SPHKAP: variants seen among roughly 807,000 people sequenced by gnomAD.
SPHKAP encodes A-kinase anchor protein SPHKAP.
Under a neutral mutation model 137.5 loss-of-function variants are expected in SPHKAP, and 67 were observed. The ratio of observed to expected loss-of-function variants is 0.49; its 90% CI spans 0.40 to 0.60. The LOEUF is 0.60. SPHKAP is among the 20% of genes least tolerant of loss of function. The probability of loss-of-function intolerance (pLI) is 0.00; values close to 1 mark genes in which losing one functional copy is unlikely to be tolerated. For missense variants in SPHKAP, 2,097 were observed against 2,069.3 expected (o/e 1.01, Z -0.26); for synonymous variants, 813 against 785.3 (o/e 1.04, Z -0.59).
intron 3 of SPHKAP, among the ~76,000 whole-genome samples, chr2:228,036,838 A>G (rs1695632117): frequency 6.6e-6 from 1 of 151,916 alleles, no homozygotes; most frequent in East Asian, 1.9e-4. Flanking sequence ...AACCATGAGA[A>G]CACATGGGCA....
At chr2:228,048,048 T>C (rs1696126655) in intron 3 of SPHKAP, among the ~76,000 whole-genome samples, 1 of 152,150 alleles carries the variant, frequency 6.6e-6, no homozygotes, top group African/African-American at 2.4e-5. Context: ...ACAGAAGATT[T>C]ACTTCTAAAG....
At chr2:228,042,307 T>C (rs2106260113) in intron 3 of SPHKAP, among the ~76,000 whole-genome samples, 1 of 152,274 alleles carries the variant, frequency 6.6e-6, no homozygotes, top group Non-Finnish European at 1.5e-5. Flanking sequence ...AAATCTCGGG[T>C]TGGGGCCTGA....
At chr2:228,040,075 T>C (rs1695780717) in intron 3 of SPHKAP, among the ~76,000 whole-genome samples, 2 of 152,144 alleles carry the variant, frequency 1.3e-5, no homozygotes, top group South Asian at 4.1e-4. Flanking sequence ...CTAAGAAAAC[T>C]TTTTCAGAAA....
In SPHKAP at chr2:228,071,949, C is replaced by A. The variant is rs1574823306; in HGVS notation, c.246+36883G>T. Among the ~76,000 whole-genome samples the A allele has an allele frequency of 2.0e-5, 3 of 152,204 alleles. No individual in the cohort carries two copies. The South Asian group carries it at 6.2e-4, about 32-fold the overall frequency. ...TTCTGGATGACTGCCTTCTACGGAA[C>A]CTATCTGTGTCTGTGAGTATTTCTG... On this transcript the variant is annotated intron_variant, in intron 3 of 11. Coordinates refer to ENST00000392056, the MANE Select transcript of SPHKAP (RefSeq NM_001142644.2).
At chr2:228,001,531 A>C (rs1223555373) in intron 7 of SPHKAP, among the ~76,000 whole-genome samples, 1 of 144,796 alleles carries the variant, frequency 6.9e-6, no homozygotes, top group Non-Finnish European at 1.5e-5. Context: ...ATATATACAT[A>C]TATATAAAAA....
In SPHKAP at chr2:228,178,802, A is replaced by G. The variant is rs116686669; in HGVS notation, c.32+2765T>C. On this transcript the variant is annotated intron_variant, in intron 1 of 11. Transcript: ENST00000392056. The stretch of plus-strand genomic sequence containing the variant: ...CCAGCTTTGATAACCAGTGATTTTA[A>G]GAAATCTGTGACGCAATCCACATAA... 8.1e-3 allele frequency among the ~76,000 whole-genome samples: 1,228 copies of G among 152,220 alleles called. 8 individuals are homozygous for G. Among genetic ancestry groups the G allele is most frequent in the African/African-American group, 0.028 (1,172 of 41,558 alleles).
Position 228,016,485 on chromosome 2 carries a change from C to G in SPHKAP, c.4369G>C (p.Glu1457Gln), listed in dbSNP as rs755010180. 18 of 1,613,612 alleles carry G rather than the reference C, an allele frequency of 1.1e-5. No individual in the cohort carries two copies. The African/African-American group carries it at 2.3e-4, about 20-fold the overall frequency. ...LSKSSLLEEA[E>Q]GHSNDKNIPD... Reference sequence around the variant, plus strand: ...ATGTTTTTGTCATTCGAATGCCCTTCTGCTTCCTCTAGGAGGCTGCTTTTG... The same window carrying G: ...ATGTTTTTGTCATTCGAATGCCCTTGTGCTTCCTCTAGGAGGCTGCTTTTG... The change falls in exon 7 of 12, where the codon GAA becomes CAA. Residue 1457 changes from glutamate to glutamine, a missense_variant. Transcript: ENST00000392056.
intron 1 of SPHKAP, among the ~76,000 whole-genome samples, chr2:228,156,414 T>C (rs948214584): frequency 6.6e-6 from 1 of 152,198 alleles, no homozygotes; most frequent in African/African-American, 2.4e-5. Flanking sequence ...TTTTCTAAGG[T>C]AAAGTCTTCT....
At chr2:227,982,898 C>T (rs970327547) in intron 11 of SPHKAP, among the ~76,000 whole-genome samples, 3 of 152,030 alleles carry the variant, frequency 2.0e-5, no homozygotes, top group African/African-American at 4.8e-5. Context: ...CAAGACCAAG[C>T]GTGAGTCAAA....
At chr2:228,131,499 A>G (rs78365917) in intron 2 of SPHKAP, among the ~76,000 whole-genome samples, 1 of 136,340 alleles carries the variant, frequency 7.3e-6, no homozygotes, top group South Asian at 2.3e-4. Context: ...TTTTTTTTTT[A>G]TATCAGCTCT....
intron 1 of SPHKAP, among the ~76,000 whole-genome samples, chr2:228,175,284 T>A (rs978458643): frequency 1.3e-5 from 2 of 149,380 alleles, no homozygotes; most frequent in Non-Finnish European, 1.5e-5. Context: ...AGAAATGGAA[T>A]AAATGAAGGT....
At chr2:228,153,095 T>C (rs1699987514) in intron 1 of SPHKAP, among the ~76,000 whole-genome samples, 1 of 152,164 alleles carries the variant, frequency 6.6e-6, no homozygotes, top group African/African-American at 2.4e-5. Context: ...CCACCATGAT[T>C]GTGAGGCCTC....
intron 3 of SPHKAP, among the ~76,000 whole-genome samples, chr2:228,085,616 C>T (rs1285083095): frequency 6.6e-6 from 1 of 152,166 alleles, no homozygotes; most frequent in African/African-American, 2.4e-5. Flanking sequence ...TTAAGGGCAA[C>T]ATTTTACAAA....
At chr2:228,040,438 C>CT (rs1695791696) in intron 3 of SPHKAP, among the ~76,000 whole-genome samples, 1 of 152,156 alleles carries the variant, frequency 6.6e-6, no homozygotes, top group South Asian at 2.1e-4. Context: ...GCCACCCATG[C>CT]TGTGGACATT....
chr2:228,037,475 T>C (rs1457073946), intron 3 of SPHKAP, among the ~76,000 whole-genome samples: 2 of 152,238 alleles, frequency 1.3e-5, no homozygotes, highest in African/African-American at 4.8e-5. Context: ...TGTTGCAATG[T>C]CTGCTTGAGT....
chr2:228,015,000 A>G (rs1694517157), intron 7 of SPHKAP, among the ~76,000 whole-genome samples: 1 of 151,862 alleles, frequency 6.6e-6, no homozygotes, highest in African/African-American at 2.4e-5. Flanking sequence ...TACACGTGCC[A>G]TGCTGGTGTG....
intron 7 of SPHKAP, among the ~76,000 whole-genome samples, chr2:228,000,734 T>G (rs1693824832): frequency 6.6e-6 from 1 of 152,212 alleles, no homozygotes; most frequent in African/African-American, 2.4e-5. Context: ...TCTTTTTTGT[T>G]AGTGCTGAAT....
At chr2:228,052,726 T>C (rs1343772223) in intron 3 of SPHKAP, among the ~76,000 whole-genome samples, 2 of 152,162 alleles carry the variant, frequency 1.3e-5, no homozygotes, top group African/African-American at 4.8e-5. Flanking sequence ...GTTACTTTTT[T>C]CCCTAAAACT....
intron 3 of SPHKAP, among the ~76,000 whole-genome samples, chr2:228,092,169 A>G (rs573011990): frequency 2.6e-4 from 28 of 106,592 alleles, no homozygotes; most frequent in East Asian, 1.3e-3. Flanking sequence ...ATATGTGTGT[A>G]CACACACATG....
Sources: gnomAD v4.1 joint callset for allele counts (sites outside exome capture counted in the v4.1 genomes callset) on GRCh38, gnomAD v4.1.1 for gene constraint, MANE v1.5 for transcripts, NCBI Gene and HGNC (gene_info 2026-07-23, HGNC 2026-07-21) for gene names.